The following CIRSR variants were observed in gnomAD, a reference collection of about 807,000 sequenced individuals.
CIRSR encodes the protein corepressor of RBPJ and splicing regulator, also known as CBF1 (RBPJ) interacting corepressor 1.
At chr2:174,383,339 T>C in the CIRSR span, among the ~76,000 whole-genome samples, 1 of 149,794 alleles carries the variant, frequency 6.7e-6, no homozygotes, top group Non-Finnish European at 1.5e-5. Context: ...TAGATTACAG[T>C]GATGGCTCCA....
chr2:174,354,668 T>G, the CIRSR span, among the ~76,000 whole-genome samples: 1 of 92,930 alleles, frequency 1.1e-5, no homozygotes, highest in Non-Finnish European at 2.0e-5. Context: ...ATATAATATA[T>G]ATTATATATT....
the CIRSR span, among the ~76,000 whole-genome samples, chr2:174,390,444 G>C: frequency 6.6e-6 from 1 of 152,248 alleles, no homozygotes; most frequent in East Asian, 1.9e-4. Context: ...TTGTATCCAG[G>C]AAGTCATTAA....
chr2:174,348,752 T>C, the CIRSR span: 1 of 1,614,206 alleles, frequency 6.2e-7, no homozygotes, highest in African/African-American at 1.3e-5. Flanking sequence ...CTCTCTTCTC[T>C]GGGCTATGTT....
the CIRSR span, among the ~76,000 whole-genome samples, chr2:174,362,221 G>A: frequency 1.3e-5 from 2 of 152,118 alleles, no homozygotes; most frequent in Non-Finnish European, 2.9e-5. Flanking sequence ...TGGGAGGATT[G>A]CTTGAGCCCA....
the CIRSR span, among the ~76,000 whole-genome samples, chr2:174,381,241 T>G: frequency 2.0e-5 from 3 of 152,178 alleles, no homozygotes; most frequent in Non-Finnish European, 4.4e-5. Context: ...TGTTGTATGA[T>G]TATAGTTTTT....
chr2:174,369,854 C>T, the CIRSR span: 2 of 1,092,050 alleles, frequency 1.8e-6, no homozygotes, highest in Admixed American at 2.6e-5. Flanking sequence ...GATCACTGAG[C>T]ACAGATCACC....
At chr2:174,363,001 C>T in the CIRSR span, among the ~76,000 whole-genome samples, 1 of 152,238 alleles carries the variant, frequency 6.6e-6, no homozygotes, top group East Asian at 1.9e-4. Flanking sequence ...GAACAATCTC[C>T]GTGTGCTTCC....
At chr2:174,392,707 G>A in the CIRSR span, among the ~76,000 whole-genome samples, 1 of 152,216 alleles carries the variant, frequency 6.6e-6, no homozygotes, top group Non-Finnish European at 1.5e-5. Context: ...TTGGGCAACA[G>A]GATGAGGGAC....
chr2:174,382,373 T>G, the CIRSR span, among the ~76,000 whole-genome samples: 48 of 152,150 alleles, frequency 3.2e-4, no homozygotes, highest in African/African-American at 1.1e-3. Flanking sequence ...GCACAGTGGC[T>G]CACACCTGTA....
the CIRSR span, among the ~76,000 whole-genome samples, chr2:174,380,428 G>T: frequency 6.6e-6 from 1 of 151,806 alleles, no homozygotes; most frequent in Non-Finnish European, 1.5e-5. Context: ...GTTATTATGT[G>T]TCTAGTCTGA....
chr2:174,375,267 T>C, the CIRSR span, among the ~76,000 whole-genome samples: 32 of 152,322 alleles, frequency 2.1e-4, no homozygotes, highest in African/African-American at 7.0e-4. Flanking sequence ...TCAGCAAATA[T>C]ATAACCTCTC....
the CIRSR span, chr2:174,380,702 T>C: frequency 1.9e-6 from 3 of 1,612,684 alleles, no homozygotes. Context: ...GGTCTCTCCT[T>C]CTGTTTCTTC....
chr2:174,380,692 G>T, the CIRSR span: 2 of 1,611,808 alleles, frequency 1.2e-6, no homozygotes, highest in Non-Finnish European at 8.5e-7. Flanking sequence ...ATTTGTATTC[G>T]GTCTCTCCTT....
At chr2:174,387,817 G>T in the CIRSR span, 3 of 1,501,248 alleles carry the variant, frequency 2.0e-6, no homozygotes, top group Non-Finnish European at 2.7e-6. Context: ...TAAATTGTTG[G>T]ATTTAAATTA....
At chr2:174,348,757 T>C in the CIRSR span, 3 of 1,614,208 alleles carry the variant, frequency 1.9e-6, no homozygotes, top group South Asian at 3.3e-5. Flanking sequence ...TTCTCTGGGC[T>C]ATGTTTATGG....
At chr2:174,376,143 G>C in the CIRSR span, among the ~76,000 whole-genome samples, 1 of 152,200 alleles carries the variant, frequency 6.6e-6, no homozygotes, top group Admixed American at 6.5e-5. Flanking sequence ...TTACAGGCAA[G>C]AGCCACCATG....
At chr2:174,381,817 CAAA>C in the CIRSR span, 1 of 1,057,196 alleles carries the variant, frequency 9.5e-7, no homozygotes, top group Non-Finnish European at 1.3e-6. Flanking sequence ...TTATGTAGGA[CAAA>C]AAAAAAAATT....
chr2:174,349,218 A>G, the CIRSR span: 1 of 986,234 alleles, frequency 1.0e-6, no homozygotes, highest in Non-Finnish European at 1.4e-6. Flanking sequence ...AAAAACAGTT[A>G]TTTCATCAAC....
At chr2:174,350,187 T>C in the CIRSR span, among the ~76,000 whole-genome samples, 16 of 152,146 alleles carry the variant, frequency 1.1e-4, no homozygotes, top group Admixed American at 5.2e-4. Flanking sequence ...ACTGAAAGCA[T>C]CATGAGCTCC....
Sources: gnomAD v4.1 joint callset for allele counts (sites outside exome capture counted in the v4.1 genomes callset) on GRCh38, gnomAD v4.1.1 for gene constraint, MANE v1.5 for transcripts, NCBI Gene and HGNC (gene_info 2026-07-23, HGNC 2026-07-21) for gene names.